GRM3: variants seen among roughly 807,000 people sequenced by gnomAD.
GRM3 encodes the protein glutamate metabotropic receptor 3.
A neutral mutation model predicts 70.5 loss-of-function variants in GRM3; 26 were observed. The ratio of observed to expected loss-of-function variants is 0.37; its 90% confidence interval spans 0.27 to 0.51. The LOEUF is 0.51. Among genes scored for constraint, GRM3 ranks in the 20% least tolerant of loss-of-function variants. GRM3 has a pLI of 0.93. For missense variants in GRM3, 859 were observed against 1,123.8 expected (o/e 0.76, Z 3.37); for synonymous variants, 443 against 434.9 (o/e 1.02, Z -0.23).
chr7:86,645,879 T>C (rs1022057340), intron 1 of GRM3, among the ~76,000 whole-genome samples: 1 of 150,814 alleles, frequency 6.6e-6, no homozygotes, highest in Admixed American at 6.6e-5. Context: ...TTAATGTGAG[T>C]TGAGGTAGGT....
At chr7:86,861,001 G>A (rs184988429) in intron 5 of GRM3, among the ~76,000 whole-genome samples, 216 of 152,194 alleles carry the variant, frequency 1.4e-3, no homozygotes, top group African/African-American at 4.7e-3. Flanking sequence ...CTCTTCAATC[G>A]CTAAAATTTC....
In GRM3 at chr7:86,739,267, G is replaced by A. The variant is rs116191245; in HGVS notation, c.-140-25739G>A. ...GCTGGGACTACAGGCATGAGCCACC[G>A]CTCCCAGCCTACAACAGGCCTCTGG... On this transcript the variant is annotated intron_variant, in intron 1 of 5. Coordinates refer to ENST00000361669, the MANE Select transcript of GRM3 (RefSeq NM_000840.3). Among the ~76,000 whole-genome samples, 552 of 152,252 alleles carry A rather than the reference G, an allele frequency of 3.6e-3. 4 individuals carry two copies. Among genetic ancestry groups the A allele is most frequent in the African/African-American group, 0.012 (491 of 41,540 alleles).
chr7:86,785,268 C>T (rs1797195767), intron 2 of GRM3, among the ~76,000 whole-genome samples: 1 of 152,056 alleles, frequency 6.6e-6, no homozygotes, highest in Non-Finnish European at 1.5e-5. Flanking sequence ...TTTTTAAAAG[C>T]TAATTATTCA....
At chr7:86,801,157 G>A (rs1257815312) in intron 3 of GRM3, among the ~76,000 whole-genome samples, 2 of 138,512 alleles carry the variant, frequency 1.4e-5, no homozygotes, top group African/African-American at 5.6e-5. Flanking sequence ...TGCAACCTCT[G>A]CCTCCCGAGT....
intron 4 of GRM3, among the ~76,000 whole-genome samples, chr7:86,843,650 T>C (rs553472332): frequency 6.6e-6 from 1 of 152,308 alleles, no homozygotes; most frequent in Admixed American, 6.5e-5. Context: ...TTATAGTAAT[T>C]ACTGAGTGTT....
At chr7:86,861,236 T>C (rs1798951872) in intron 5 of GRM3, among the ~76,000 whole-genome samples, 1 of 152,184 alleles carries the variant, frequency 6.6e-6, no homozygotes, top group Non-Finnish European at 1.5e-5. Context: ...ATTTCTTTAG[T>C]TTAAAAGATT....
At chr7:86,674,582 C>G (rs1293186448) in intron 1 of GRM3, among the ~76,000 whole-genome samples, 1 of 152,100 alleles carries the variant, frequency 6.6e-6, no homozygotes, top group Non-Finnish European at 1.5e-5. Flanking sequence ...TCAGAAAAAT[C>G]TGTTAAAGCT....
chr7:86,734,596 A>T (rs992487111), intron 1 of GRM3, among the ~76,000 whole-genome samples: 1 of 152,182 alleles, frequency 6.6e-6, no homozygotes, highest in Non-Finnish European at 1.5e-5. Context: ...TCACACAGGA[A>T]GTCTCTCAGC....
chr7:86,843,910 T>G (rs1005436277), intron 4 of GRM3, among the ~76,000 whole-genome samples: 1 of 152,176 alleles, frequency 6.6e-6, no homozygotes, highest in African/African-American at 2.4e-5. Context: ...TTAACGTGCA[T>G]GCAAATCACC....
At chr7:86,819,561 T>C (rs942373252) in intron 3 of GRM3, among the ~76,000 whole-genome samples, 35 of 151,886 alleles carry the variant, frequency 2.3e-4, no homozygotes, top group African/African-American at 7.5e-4. Flanking sequence ...AGAGCCCGAG[T>C]TGAAACTAAT....
intron 1 of GRM3, among the ~76,000 whole-genome samples, chr7:86,720,627 C>T (rs1795435175): frequency 6.6e-6 from 1 of 152,064 alleles, no homozygotes; most frequent in South Asian, 2.1e-4. Flanking sequence ...CTACCCTATA[C>T]CCTTACTACT....
chr7:86,785,870 A>T (rs1797224787), intron 2 of GRM3, among the ~76,000 whole-genome samples: 1 of 152,042 alleles, frequency 6.6e-6, no homozygotes, highest in Admixed American at 6.5e-5. Flanking sequence ...TGCAGTCAAA[A>T]ACCGAGTTTG....
At chr7:86,669,347 A>T (rs1794112371) in intron 1 of GRM3, among the ~76,000 whole-genome samples, 1 of 152,214 alleles carries the variant, frequency 6.6e-6, no homozygotes, top group African/African-American at 2.4e-5. Flanking sequence ...GGGAAAGAAC[A>T]GGTGTTAAAA....
intron 2 of GRM3, among the ~76,000 whole-genome samples, chr7:86,783,513 T>TTGTG (rs3831547): frequency 3.3e-5 from 5 of 150,962 alleles, no homozygotes; most frequent in East Asian, 3.9e-4. Context: ...CAAAATATGT[T>TTGTG]TGTGTGTGTG....
chr7:86,753,425 G>C (rs950534989), intron 1 of GRM3, among the ~76,000 whole-genome samples: 1 of 152,080 alleles, frequency 6.6e-6, no homozygotes, highest in Admixed American at 6.6e-5. Flanking sequence ...TAACACAGTG[G>C]CTTTCAAAAT....
Position 86,701,201 on chromosome 7 carries a change from T to G in GRM3, c.-141+56329T>G, listed in dbSNP as rs565766756. Among the ~76,000 whole-genome samples, 21 of 152,050 alleles carry G rather than the reference T, an allele frequency of 1.4e-4. No homozygotes were observed. The South Asian group carries it at 4.3e-3, about 31-fold the overall frequency. ...TCCAACCGAAGAATATTTTATTACA[T>G]TTTTATATATTGAATATCATGCATG... On this transcript the variant is annotated intron_variant, in intron 1 of 5. Transcript: ENST00000361669.
chr7:86,821,414 G>A (rs749441764), intron 3 of GRM3, among the ~76,000 whole-genome samples: 12 of 152,114 alleles, frequency 7.9e-5, no homozygotes, highest in Non-Finnish European at 1.2e-4. Context: ...TTCAATAAAC[G>A]TTTATTGAAT....
At chr7:86,800,518 C>A (rs774251051) in intron 3 of GRM3, among the ~76,000 whole-genome samples, 1 of 152,106 alleles carries the variant, frequency 6.6e-6, no homozygotes, top group Non-Finnish European at 1.5e-5. Flanking sequence ...CACCTCTATG[C>A]AAATAAACTA....
At chr7:86,825,579 C>T (rs1462420150) in intron 3 of GRM3, among the ~76,000 whole-genome samples, 1 of 152,202 alleles carries the variant, frequency 6.6e-6, no homozygotes, top group East Asian at 1.9e-4. Flanking sequence ...AAGTCAAATG[C>T]ATGTCCATGC....
Sources: gnomAD v4.1 joint callset for allele counts (sites outside exome capture counted in the v4.1 genomes callset) on GRCh38, gnomAD v4.1.1 for gene constraint, MANE v1.5 for transcripts, NCBI Gene and HGNC (gene_info 2026-07-23, HGNC 2026-07-21) for gene names.